Variants in MNS1 observed in about 807,000 individuals in gnomAD.
MNS1 encodes meiosis specific nuclear structural 1, also known as meiosis-specific nuclear structural protein 1.
MNS1 carries 63 observed loss-of-function variants against 72.0 expected under a neutral mutation model. That is an observed-to-expected ratio of 0.87 (90% confidence interval 0.71 to 1.08). The LOEUF is 1.08. Among genes scored for constraint, MNS1 ranks in the 50% least tolerant of loss-of-function variants. The pLI is 0.00. For missense variants in MNS1, 604 were observed against 562.4 expected (o/e 1.07, Z -0.75); for synonymous variants, 188 against 172.1 (o/e 1.09, Z -0.72).
intron 4 of MNS1, among the ~76,000 whole-genome samples, chr15:56,446,321 C>A (rs1487215068): frequency 3.3e-5 from 5 of 151,924 alleles, no homozygotes; most frequent in Non-Finnish European, 7.4e-5. Context: ...CAAAGCACTC[C>A]TAGTGAGTAT....
At chr15:56,445,784 G>A (rs1230358441) in intron 4 of MNS1, 2 of 151,736 alleles carry the variant, frequency 1.3e-5, no homozygotes, top group African/African-American at 4.8e-5. Flanking sequence ...TTGGAAAATA[G>A]CAGCAATTCT....
intron 2 of MNS1, among the ~76,000 whole-genome samples, chr15:56,459,086 T>A (rs2051000335): frequency 1.3e-5 from 2 of 152,234 alleles, no homozygotes; most frequent in African/African-American, 2.4e-5. Flanking sequence ...AAGAAACCTG[T>A]AACCTATTAG....
At chr15:56,458,162 T>A (rs1019902568) in intron 2 of MNS1, among the ~76,000 whole-genome samples, 1 of 152,256 alleles carries the variant, frequency 6.6e-6, no homozygotes, top group African/African-American at 2.4e-5. Context: ...TTGGTACATG[T>A]TATTTTTTAA....
chr15:56,438,480 T>C (rs2050765860), intron 7 of MNS1, among the ~76,000 whole-genome samples: 1 of 152,124 alleles, frequency 6.6e-6, no homozygotes, highest in Admixed American at 6.6e-5. Context: ...TTACACCTTA[T>C]ACAAAAATTA....
chr15:56,455,693 T>A (rs1405168878), intron 3 of MNS1, among the ~76,000 whole-genome samples: 1 of 152,202 alleles, frequency 6.6e-6, no homozygotes, highest in African/African-American at 2.4e-5. Flanking sequence ...TAGAATAGTG[T>A]CCTGTCATCT....
chr15:56,439,039 G>C (rs1567149412), intron 7 of MNS1, among the ~76,000 whole-genome samples: 1 of 152,056 alleles, frequency 6.6e-6, no homozygotes. Flanking sequence ...CAGAAGACAT[G>C]CCTGACTATG....
chr15:56,461,851 C>G (rs1555449771), intron 2 of MNS1, among the ~76,000 whole-genome samples: 1 of 151,558 alleles, frequency 6.6e-6, no homozygotes. Context: ...TAAAAACAAC[C>G]ACAACATAGG....
At chr15:56,463,864 C>T (rs1322102308) in intron 2 of MNS1, 162 bp downstream of exon 2, 9 of 613,330 alleles carry the variant, frequency 1.5e-5, no homozygotes, top group African/African-American at 3.7e-5. Flanking sequence ...CAGGCCGGCT[C>T]CAGAAACCCA....
chr15:56,439,178 C>T (rs890486986), intron 7 of MNS1, among the ~76,000 whole-genome samples: 16 of 152,072 alleles, frequency 1.1e-4, no homozygotes, highest in Non-Finnish European at 1.6e-4. Flanking sequence ...ATTCCATTTA[C>T]GATTGCTCAA....
At chr15:56,434,604 T>C (rs11630363) in intron 7 of MNS1, among the ~76,000 whole-genome samples, 55,776 of 151,982 alleles carry the variant, frequency 0.37, 11,137 homozygotes, top group Non-Finnish European at 0.45. Flanking sequence ...CTGTTACTCA[T>C]GAACAAATTT....
intron 7 of MNS1, among the ~76,000 whole-genome samples, chr15:56,437,233 C>G (rs1365037639): frequency 6.6e-6 from 1 of 152,102 alleles, no homozygotes; most frequent in Non-Finnish European, 1.5e-5. Flanking sequence ...ACTGGCAAAC[C>G]AAATCCAGCA....
Position 56,460,009 on chromosome 15 carries a change from A to AAATATATATATATATATAT in MNS1, c.226-3489_226-3488insATATATATATATATATATT. 1.1e-4 allele frequency among the ~76,000 whole-genome samples: 3 copies of AAATATATATATATATATAT among 26,404 alleles called. 1 individual carries two copies. The highest frequency in any genetic ancestry group is 4.5e-4 in the African/African-American group (3 of 6,650). The allele number at this position is 26,404 out of a possible 152,430, so 17.3% of individuals were successfully genotyped here. On this transcript the variant is annotated intron_variant, in intron 2 of 9. Transcript: ENST00000260453. The stretch of plus-strand genomic sequence containing the variant: ...CTGTCTCAAAAAAAAAAAAAAAAAA[A>AAATATATATATATATATAT]ATACATATATATATATATATATATA...
intron 9 of MNS1, among the ~76,000 whole-genome samples, chr15:56,430,541 G>A (rs62023867): frequency 4.6e-5 from 7 of 152,050 alleles, no homozygotes; most frequent in Admixed American, 4.6e-4. Context: ...GTGTGTCTCA[G>A]GTATACATTA....
intron 3 of MNS1, among the ~76,000 whole-genome samples, chr15:56,454,308 G>C (rs1351935530): frequency 1.3e-5 from 2 of 152,064 alleles, no homozygotes; most frequent in Non-Finnish European, 2.9e-5. Context: ...TCATATCATG[G>C]AAAATGGGGT....
At chr15:56,462,328 T>C (rs548213399) in intron 2 of MNS1, among the ~76,000 whole-genome samples, 1 of 152,204 alleles carries the variant, frequency 6.6e-6, no homozygotes. Flanking sequence ...GAAACCAGAC[T>C]GTCTTCCTAA....
At chr15:56,458,804 G>C (rs1356274825) in intron 2 of MNS1, among the ~76,000 whole-genome samples, 1 of 152,028 alleles carries the variant, frequency 6.6e-6, no homozygotes. Context: ...TTTTGGCACT[G>C]AATAATATTC....
chr15:56,452,413 T>C (rs1215314600), intron 3 of MNS1, among the ~76,000 whole-genome samples: 2 of 152,186 alleles, frequency 1.3e-5, no homozygotes, highest in Non-Finnish European at 2.9e-5. Flanking sequence ...TGGGTTCTTA[T>C]TGGGGGTGGT....
chr15:56,447,480 CTG>C (rs1344095956), intron 3 of MNS1: 5 of 151,912 alleles, frequency 3.3e-5, no homozygotes, highest in East Asian at 1.9e-4. Flanking sequence ...ATGTTTATAT[CTG>C]TGTTTTATTT....
In MNS1 at chr15:56,460,009, A is replaced by AAAAAAAAAAAATATATATAT; in HGVS notation, c.226-3489_226-3488insATATATATATTTTTTTTTTT. 7.6e-4 allele frequency among the ~76,000 whole-genome samples: 20 copies of AAAAAAAAAAAATATATATAT among 26,380 alleles called. 4 individuals are homozygous for AAAAAAAAAAAATATATATAT. The highest frequency in any genetic ancestry group is 1.7e-3 in the Admixed American group (3 of 1,800). The allele number at this position is 26,380 out of a possible 152,430, so 17.3% of individuals were successfully genotyped here. A position where few individuals can be genotyped will look rare whatever the true frequency, so the allele number is the denominator to read the frequency against. ...CTGTCTCAAAAAAAAAAAAAAAAAA[A>AAAAAAAAAAAATATATATAT]ATACATATATATATATATATATATA... On this transcript the variant is annotated intron_variant, in intron 2 of 9. Coordinates refer to ENST00000260453, the MANE Select transcript of MNS1 (RefSeq NM_018365.4).
Sources: gnomAD v4.1 joint callset for allele counts (sites outside exome capture counted in the v4.1 genomes callset) on GRCh38, gnomAD v4.1.1 for gene constraint, MANE v1.5 for transcripts, NCBI Gene and HGNC (gene_info 2026-07-23, HGNC 2026-07-21) for gene names.